SPMIP5: variants seen among roughly 807,000 people sequenced by gnomAD.
SPMIP5 encodes sperm microtubule inner protein 5.
the SPMIP5 span, chr10:116,663,976 C>T: frequency 6.5e-7 from 1 of 1,540,722 alleles, no homozygotes; most frequent in Non-Finnish European, 8.7e-7. Context: ...TATACTTGGC[C>T]TCTGAGCACA....
At chr10:116,668,929 ACATG>A in the SPMIP5 span, among the ~76,000 whole-genome samples, 1 of 116,106 alleles carries the variant, frequency 8.6e-6, no homozygotes, top group Non-Finnish European at 1.8e-5. Context: ...GCCGGCACAC[ACATG>A]CACACACACA....
At chr10:116,664,741 C>T in the SPMIP5 span, 88 of 1,610,300 alleles carry the variant, frequency 5.5e-5, no homozygotes, top group Middle Eastern at 5.0e-4. Flanking sequence ...GCCTGGGGTA[C>T]GGACCCAAGC....
At chr10:116,669,646 G>A in the SPMIP5 span, among the ~76,000 whole-genome samples, 1 of 152,176 alleles carries the variant, frequency 6.6e-6, no homozygotes, top group Non-Finnish European at 1.5e-5. Flanking sequence ...ATGAGTTCCT[G>A]TTGGAACCCC....
chr10:116,668,505 T>C, the SPMIP5 span, among the ~76,000 whole-genome samples: 2 of 152,122 alleles, frequency 1.3e-5, no homozygotes, highest in African/African-American at 2.4e-5. Context: ...CACAAACCAA[T>C]GACCTATTAC....
At chr10:116,665,597 G>C in the SPMIP5 span, 7 of 1,607,386 alleles carry the variant, frequency 4.4e-6, no homozygotes, top group African/African-American at 9.4e-5. Flanking sequence ...ATGGTTTCAG[G>C]GCGCTGCTAC....
At chr10:116,669,348 T>C in the SPMIP5 span, among the ~76,000 whole-genome samples, 2 of 152,134 alleles carry the variant, frequency 1.3e-5, no homozygotes, top group African/African-American at 4.8e-5. Context: ...CTGTGCCGCG[T>C]CTAGGCCACT....
the SPMIP5 span, among the ~76,000 whole-genome samples, chr10:116,669,155 C>G: frequency 1.3e-5 from 2 of 152,164 alleles, no homozygotes; most frequent in African/African-American, 4.8e-5. Flanking sequence ...GTCATTCCCC[C>G]CAAGTGGGCT....
At chr10:116,662,533 A>G in the SPMIP5 span, among the ~76,000 whole-genome samples, 1 of 152,216 alleles carries the variant, frequency 6.6e-6, no homozygotes, top group Non-Finnish European at 1.5e-5. Context: ...ATGGGAGCCC[A>G]GCATGTCCAG....
At chr10:116,662,358 A>G in the SPMIP5 span, among the ~76,000 whole-genome samples, 1 of 152,226 alleles carries the variant, frequency 6.6e-6, no homozygotes, top group Non-Finnish European at 1.5e-5. Flanking sequence ...ATACAAAAAC[A>G]TCTGTGACTG....
chr10:116,666,907 T>TGCTGGCTCCTTTAATCCTCAC, the SPMIP5 span, among the ~76,000 whole-genome samples: 1 of 152,238 alleles, frequency 6.6e-6, no homozygotes, highest in South Asian at 2.1e-4. Context: ...AGGTTATGTA[T>TGCTGGCTCCTTTAATCCTCAC]GCTGGCTCCT....
At chr10:116,662,730 G>A in the SPMIP5 span, among the ~76,000 whole-genome samples, 1 of 152,074 alleles carries the variant, frequency 6.6e-6, no homozygotes, top group Non-Finnish European at 1.5e-5. Flanking sequence ...CAGTGTTACG[G>A]CTTGAACTAT....
At chr10:116,668,519 G>A in the SPMIP5 span, among the ~76,000 whole-genome samples, 1 of 152,076 alleles carries the variant, frequency 6.6e-6, no homozygotes, top group African/African-American at 2.4e-5. Flanking sequence ...CTATTACCAA[G>A]GGCCCATCAC....
chr10:116,668,933 G>GCGCACACACACACACA, the SPMIP5 span, among the ~76,000 whole-genome samples: 5 of 135,380 alleles, frequency 3.7e-5, no homozygotes, highest in South Asian at 1.0e-3. Flanking sequence ...GCACACACAT[G>GCGCACACACACACACA]CACACACACA....
the SPMIP5 span, chr10:116,664,330 T>A: frequency 2.5e-6 from 3 of 1,191,278 alleles, no homozygotes; most frequent in Non-Finnish European, 2.3e-6. Flanking sequence ...AGAATAATAA[T>A]AAATAGAATA....
At chr10:116,663,891 G>A in the SPMIP5 span, 4 of 1,532,160 alleles carry the variant, frequency 2.6e-6, no homozygotes, top group East Asian at 2.4e-5. Context: ...CACCTCCTTG[G>A]GAGACTCTGC....
At chr10:116,665,746 T>C in the SPMIP5 span, 2 of 1,614,130 alleles carry the variant, frequency 1.2e-6, no homozygotes, top group South Asian at 2.2e-5. Context: ...TAGCGCTGTG[T>C]TTTCTCCTGG....
At chr10:116,668,933 G>GCACACACA in the SPMIP5 span, among the ~76,000 whole-genome samples, 7,694 of 135,266 alleles carry the variant, frequency 0.057, 316 homozygotes, top group East Asian at 0.16. Context: ...GCACACACAT[G>GCACACACA]CACACACACA....
chr10:116,668,079 C>T, the SPMIP5 span, among the ~76,000 whole-genome samples: 1 of 152,360 alleles, frequency 6.6e-6, no homozygotes, highest in Middle Eastern at 3.4e-3. Context: ...TTCTGCCCCT[C>T]AGAACCCGGC....
the SPMIP5 span, among the ~76,000 whole-genome samples, chr10:116,662,433 C>G: frequency 1.3e-5 from 2 of 152,154 alleles, no homozygotes; most frequent in Non-Finnish European, 1.5e-5. Context: ...GAAGGAAATA[C>G]TAAATTTCGC....
Sources: gnomAD v4.1 joint callset for allele counts (sites outside exome capture counted in the v4.1 genomes callset) on GRCh38, gnomAD v4.1.1 for gene constraint, MANE v1.5 for transcripts, NCBI Gene and HGNC (gene_info 2026-07-23, HGNC 2026-07-21) for gene names.